Variants in CAMKK2 observed in about 807,000 individuals in gnomAD.
CAMKK2 encodes the protein calcium/calmodulin-dependent protein kinase kinase 2.
A neutral mutation model predicts 67.2 loss-of-function variants in CAMKK2; 30 were observed. The observed-to-expected ratio is 0.45, with a 90% confidence interval of 0.33 to 0.61. The LOEUF is 0.61. Ranked by LOEUF, CAMKK2 falls within the 20% of genes least tolerant of loss-of-function variation. The pLI, the probability that CAMKK2 is intolerant of heterozygous loss-of-function variation, is 0.02. For synonymous variants in CAMKK2, 322 were observed against 326.2 expected (o/e 0.99, Z 0.14); for missense variants, 643 against 802.0 (o/e 0.80, Z 2.39).
chr12:121,243,375 T>C (rs913611586), intron 16 of CAMKK2, among the ~76,000 whole-genome samples: 1 of 146,192 alleles, frequency 6.8e-6, no homozygotes, highest in Non-Finnish European at 1.5e-5. Context: ...CCTAACACTT[T>C]GTACACAAAT....
intron 7 of CAMKK2, 28 bp downstream of exon 7, chr12:121,260,291 G>A (rs1230322888): frequency 6.3e-7 from 1 of 1,594,156 alleles, no homozygotes; most frequent in Non-Finnish European, 8.5e-7. Context: ...GCCTGGGTGA[G>A]GGTGGCAGAA....
intron 1 of CAMKK2, among the ~76,000 whole-genome samples, chr12:121,277,686 G>A (rs1897063607): frequency 6.6e-6 from 1 of 152,188 alleles, no homozygotes; most frequent in Non-Finnish European, 1.5e-5. Context: ...TCAAATTCAG[G>A]CCAGATGCAG....
rs1289988816 is a variant in CAMKK2 at position 121,274,482 on chromosome 12, G to A, written c.45C>T (p.Ala15=). ...VSSQPSSNRA[A]PQDELGGRGS... is the part of the protein sequence containing the mutation. ...CCCTGCCCCCCAGCTCATCCTGGGG[G>A]GCGGCCCGGTTGCTGCTGGGCTGGC... Residue 15 remains alanine (A), a synonymous_variant, in exon 2 of 17, where the codon GCC becomes GCT. Transcript: ENST00000404169. 6.2e-7 allele frequency: 1 copy of A among 1,612,538 alleles called. No individual in the cohort carries two copies. Among genetic ancestry groups the A allele is most frequent in the East Asian group, 2.2e-5 (1 of 44,874 alleles).
rs1445839003 is a variant in CAMKK2, at chr12:121,253,976, G to A, written c.908-504C>T. Among the ~76,000 whole-genome samples the A allele has an allele frequency of 6.6e-6, 1 of 152,202 alleles. No individual in the cohort carries two copies. The highest frequency in any genetic ancestry group is 2.4e-5 in the African/African-American group (1 of 41,450). On this transcript the variant is annotated intron_variant, in intron 9 of 16. Coordinates refer to ENST00000404169, the MANE Select transcript of CAMKK2 (RefSeq NM_001270485.2). This position sits in a 1 kb window ranked among gnomAD's most constrained non-coding sequence, Gnocchi z 5.0. ...TCCTCCTGGCTGGATATCAGCCCAT[G>A]GTACAGGACAGTTCTATGGCCTGGA...
Position 121,248,732 on chromosome 12 carries a change from C to G in CAMKK2, c.1326G>C (p.Leu442=). The part of the protein sequence containing the change: ...ESRIVVPEIK[L]HPWVTRHGAE... ...CCCCATGCCTCGTGACCCAGGGGTG[C>G]AGCTTCAACGAACGACAGGAGGGGT... The change falls in exon 14 of 17, where the codon CTG becomes CTC. Residue 442 remains leucine (L), a splice_region_variant and synonymous_variant. Transcript: ENST00000404169. 1 of 1,614,018 alleles carries G rather than the reference C, an allele frequency of 6.2e-7. No individual in the cohort carries two copies. Among genetic ancestry groups the G allele is most frequent in the Non-Finnish European group, 8.5e-7 (1 of 1,179,990 alleles).
chr12:121,284,536 G>T (rs768169620), intron 1 of CAMKK2, among the ~76,000 whole-genome samples: 2 of 152,134 alleles, frequency 1.3e-5, no homozygotes, highest in Non-Finnish European at 2.9e-5. Flanking sequence ...TGTTGCCCAG[G>T]CTGGTCTCGA....
At chr12:121,255,850 TC>T in intron 7 of CAMKK2, 46 bp from the exon 8 acceptor site, 1 of 1,589,794 alleles carries the variant, frequency 6.3e-7, no homozygotes, top group Non-Finnish European at 8.6e-7. Context: ...AAACTGAACA[TC>T]CATCTCTCTC....
At chr12:121,282,461 T>A (rs1002730042) in intron 1 of CAMKK2, among the ~76,000 whole-genome samples, 1 of 152,074 alleles carries the variant, frequency 6.6e-6, no homozygotes, top group African/African-American at 2.4e-5. Context: ...GATTATGAAG[T>A]TAAAATGAGG....
chr12:121,245,106 AC>A lies in CAMKK2; in HGVS notation c.1553+33del. On this transcript the variant is annotated intron_variant, in intron 15 of 16. Transcript: ENST00000404169. The surrounding 1 kb of genome is among the most constrained non-coding windows in gnomAD (Gnocchi z 5.8). ...GCCCCAAGCCTAGCCTCCAGCCACC[AC>A]TCCCCCACCCAAGAAGGCAGGCGGC... The A allele has an allele frequency of 6.9e-7, 1 of 1,450,372 alleles. No individual in the cohort carries two copies. Among genetic ancestry groups the A allele is most frequent in the Non-Finnish European group, 9.5e-7 (1 of 1,050,752 alleles). The allele number at this position is 1,450,372 out of a possible 1,614,324, so 89.8% of individuals were successfully genotyped here. A position where few individuals can be genotyped will look rare whatever the true frequency, so the allele number is the denominator to read the frequency against.
chr12:121,291,012 G>T (rs1370636698), intron 1 of CAMKK2, among the ~76,000 whole-genome samples: 3 of 152,140 alleles, frequency 2.0e-5, no homozygotes, highest in Middle Eastern at 3.2e-3. Context: ...TAGAGATGGG[G>T]TTTCACCACG....
At chr12:121,291,783 C>T (rs1900072192) in intron 1 of CAMKK2, among the ~76,000 whole-genome samples, 1 of 152,174 alleles carries the variant, frequency 6.6e-6, no homozygotes, top group South Asian at 2.1e-4. Flanking sequence ...TTGGGCTGGG[C>T]ATGGTGGCTC....
Position 121,253,723 on chromosome 12 carries a change from T to C in CAMKK2, c.908-251A>G, listed in dbSNP as rs1450910625. ...CCCACCCCTTCTCAACAATGACACA[T>C]AAAACACTGCCAATAGCAATTCGTA... On this transcript the variant is annotated intron_variant, in intron 9 of 16. Transcript: ENST00000404169. This position sits in a 1 kb window ranked among gnomAD's most constrained non-coding sequence, Gnocchi z 5.0. Among the ~76,000 whole-genome samples the C allele has an allele frequency of 6.6e-6, 1 of 152,142 alleles. No homozygotes were observed. The highest frequency in any genetic ancestry group is 2.4e-5 in the African/African-American group (1 of 41,428).
chr12:121,267,029 T>A (rs1894710687), intron 5 of CAMKK2, among the ~76,000 whole-genome samples: 1 of 116,376 alleles, frequency 8.6e-6, no homozygotes, highest in South Asian at 2.4e-4. Context: ...GGCCTTTTTT[T>A]TTTTTTTTTT....
chr12:121,257,088 C>G (rs1318447218), intron 7 of CAMKK2, among the ~76,000 whole-genome samples: 1 of 151,410 alleles, frequency 6.6e-6, no homozygotes, highest in Non-Finnish European at 1.5e-5. Context: ...GCTTGTTGTT[C>G]TGGAATCATA....
chr12:121,255,315 T>TATATATATAATTATATATATAA (rs1566059576), intron 9 of CAMKK2, among the ~76,000 whole-genome samples: 2 of 5,622 alleles, frequency 3.6e-4, no homozygotes, highest in South Asian at 9.1e-3. Flanking sequence ...TATATATAAT[T>TATATATATAATTATATATATAA]TTATATATAT....
At chr12:121,251,375 A>T (rs548104406) in intron 11 of CAMKK2, among the ~76,000 whole-genome samples, 2 of 152,170 alleles carry the variant, frequency 1.3e-5, no homozygotes, top group East Asian at 1.9e-4. Context: ...TGATTGAAAA[A>T]TTTTCTAATC....
intron 6 of CAMKK2, among the ~76,000 whole-genome samples, chr12:121,263,228 A>G (rs940725597): frequency 1.3e-5 from 2 of 151,100 alleles, no homozygotes; most frequent in Admixed American, 6.7e-5. Flanking sequence ...AAACTACAGC[A>G]TGTGGGCCAA....
intron 5 of CAMKK2, among the ~76,000 whole-genome samples, chr12:121,264,675 G>A (rs1171192451): frequency 1.3e-5 from 2 of 152,102 alleles, no homozygotes; most frequent in African/African-American, 4.8e-5. Flanking sequence ...TGGGGAGGCT[G>A]AGGCAGGAGA....
chr12:121,260,376 T>C, intron 6 of CAMKK2, 21 bp from the exon 7 acceptor site: 1 of 1,610,032 alleles, frequency 6.2e-7, no homozygotes, highest in Non-Finnish European at 8.5e-7. Context: ...CCACATGGAA[T>C]AGGCAGGAGA....
Sources: gnomAD v4.1 joint callset for allele counts (sites outside exome capture counted in the v4.1 genomes callset) on GRCh38, gnomAD v4.1.1 for gene constraint, Gnocchi (gnomAD v3.1) non-coding constraint, MANE v1.5 for transcripts, NCBI Gene and HGNC (gene_info 2026-07-23, HGNC 2026-07-21) for gene names.